Variants in GNE observed in about 807,000 individuals in gnomAD.
The protein encoded by GNE is bifunctional UDP-N-acetylglucosamine 2-epimerase/N-acetylmannosamine kinase.
Under a neutral mutation model 61.8 loss-of-function variants are expected in GNE, and 41 were observed. That is an observed-to-expected ratio of 0.66 (90% confidence interval 0.52 to 0.86). GNE has a LOEUF of 0.86. Among genes scored for constraint, GNE ranks in the 40% least tolerant of loss-of-function variants. The pLI, the probability that GNE is intolerant of heterozygous loss-of-function variation, is 0.00. For missense variants in GNE, 608 were observed against 909.1 expected (o/e 0.67, Z 4.26); for synonymous variants, 264 against 326.4 (o/e 0.81, Z 2.06).
At chr9:36,253,503 C>T (rs1392778610) in intron 1 of GNE, among the ~76,000 whole-genome samples, 1 of 151,386 alleles carries the variant, frequency 6.6e-6, no homozygotes, top group African/African-American at 2.4e-5. Flanking sequence ...GTCTCAAACT[C>T]CTGACCTCAC....
Position 36,236,821 on chromosome 9 carries a change from A to C in GNE, c.769+11T>G. 1 of 1,612,860 alleles carries C rather than the reference A, an allele frequency of 6.2e-7. No homozygotes were observed. Among genetic ancestry groups the C allele is most frequent in the Non-Finnish European group, 8.5e-7 (1 of 1,178,912 alleles). On this transcript the variant is annotated intron_variant, in intron 4 of 11. Transcript: ENST00000642385. The stretch of plus-strand genomic sequence containing the variant: ...AGTAGGTGGCATAATTTCATTTTCA[A>C]GTTCAATTACCTGCGTCAATATTTG...
At chr9:36,273,339 C>G (rs902298711) in intron 1 of GNE, among the ~76,000 whole-genome samples, 1 of 151,516 alleles carries the variant, frequency 6.6e-6, no homozygotes, top group Non-Finnish European at 1.5e-5. Flanking sequence ...GCCTCAGCCT[C>G]CCAAATAGCT....
chr9:36,223,018 C>A lies in GNE; in HGVS notation c.1412-20G>T. On this transcript the variant is annotated intron_variant, in intron 8 of 11. Coordinates refer to ENST00000642385, the MANE Select transcript of GNE (RefSeq NM_005476.7). ...AAATGCCTGCGCTCCACCACAAACA[C>A]AAGGAAATAATGCTGATGAGCAATC... 1 of 1,605,388 alleles carries A rather than the reference C, an allele frequency of 6.2e-7. No homozygotes were observed. The highest frequency in any genetic ancestry group is 8.5e-7 in the Non-Finnish European group (1 of 1,172,864).
chr9:36,247,301 C>T (rs1375512457), intron 2 of GNE, among the ~76,000 whole-genome samples: 8 of 152,050 alleles, frequency 5.3e-5, no homozygotes, highest in Admixed American at 1.3e-4. Flanking sequence ...GTGATCCGCC[C>T]GCCTCGTCCT....
At chr9:36,235,503 A>T (rs1317341750) in intron 4 of GNE, among the ~76,000 whole-genome samples, 1 of 152,202 alleles carries the variant, frequency 6.6e-6, no homozygotes, top group Non-Finnish European at 1.5e-5. Context: ...GAAAAAAAAT[A>T]CCTCTAATTC....
At chr9:36,274,400 C>A (rs577290727) in intron 1 of GNE, among the ~76,000 whole-genome samples, 2 of 152,066 alleles carry the variant, frequency 1.3e-5, no homozygotes, top group African/African-American at 4.8e-5. Context: ...CAGGCTCTTA[C>A]ACCTTTGTTA....
At chr9:36,245,950 T>C (rs897522835) in intron 3 of GNE, 81 bp downstream of exon 3, 3 of 1,092,372 alleles carry the variant, frequency 2.7e-6, no homozygotes, top group Admixed American at 1.8e-5. Flanking sequence ...CTATCCATAA[T>C]AGTTTCCAAA....
chr9:36,241,715 T>A (rs796352719), intron 3 of GNE, among the ~76,000 whole-genome samples: 14 of 152,346 alleles, frequency 9.2e-5, no homozygotes, highest in African/African-American at 3.4e-4. Flanking sequence ...GAATTTAACA[T>A]GCCTTTTTAA....
chr9:36,238,145 C>CACATAT lies in GNE; in HGVS notation c.617-1162_617-1161insATATGT, dbSNP rs1554661823. Among the ~76,000 whole-genome samples, 4 of 149,362 alleles carry CACATAT rather than the reference C, an allele frequency of 2.7e-5. No homozygotes were observed. The East Asian group carries it at 7.8e-4, about 29-fold the overall frequency. ...AGATACACACACACACACACACACA[C>CACATAT]ATATATATACACACCACCGTTTCTT... On this transcript the variant is annotated intron_variant, in intron 3 of 11. Transcript: ENST00000642385.
chr9:36,228,983 C>T, intron 6 of GNE, 38 bp downstream of exon 6: 1 of 1,108,990 alleles, frequency 9.0e-7, no homozygotes. Context: ...AGGTAGCTCC[C>T]CTTTTAAATC....
intron 2 of GNE, among the ~76,000 whole-genome samples, chr9:36,247,765 A>G (rs1168553031): frequency 6.6e-6 from 1 of 151,998 alleles, no homozygotes; most frequent in African/African-American, 2.4e-5. Context: ...AGTGGCTCAC[A>G]CCTGTAATCC....
Position 36,273,285 on chromosome 9 carries a change from C to T in GNE, c.51+3609G>A, listed in dbSNP as rs532030433. On this transcript the variant is annotated intron_variant, in intron 1 of 11. Coordinates refer to the GNE transcript ENST00000396594. ...CAGGCAGAGTGCAGTGGTGCGATCTCGGCTCACTGCAACCTCCGCCTCCTG... is the reference window on the plus strand; with the variant it reads ...CAGGCAGAGTGCAGTGGTGCGATCTTGGCTCACTGCAACCTCCGCCTCCTG... Among the ~76,000 whole-genome samples, 56 of 149,118 alleles carry T rather than the reference C, an allele frequency of 3.8e-4. 1 individual carries two copies. The highest frequency in any genetic ancestry group is 8.9e-4 in the African/African-American group (36 of 40,660).
chr9:36,264,999 CT>C (rs779021558), intron 1 of GNE: 5 of 255,162 alleles, frequency 2.0e-5, no homozygotes, highest in Admixed American at 4.7e-5. Flanking sequence ...TCAAGCTAAG[CT>C]TTCGCTCGTT....
At position 36,246,132 on chromosome 9, in the gene GNE, C is replaced by G. The variant is rs759285863; in HGVS notation, c.515G>C (p.Cys172Ser). 1.9e-6 allele frequency: 3 copies of G among 1,614,198 alleles called. No individual in the cohort carries two copies. ...RSAEQHLISM[C>S]EDHDRILLAG... ...CAAAAGGATGCGATCATGGTCCTCA[C>G]ACATGGATATCAGGTGCTGCTCTGC... Residue 172 changes from cysteine (C) to serine (S), a missense_variant, in exon 3 of 12, where the codon TGT becomes TCT. Physicochemically the swap from Cys to Ser is moderately radical, Grantham distance 112 (BLOSUM62 -1). Coordinates refer to ENST00000642385, the MANE Select transcript of GNE (RefSeq NM_005476.7).
chr9:36,235,643 A>G (rs1425872126), intron 4 of GNE, among the ~76,000 whole-genome samples: 1 of 152,228 alleles, frequency 6.6e-6, no homozygotes, highest in African/African-American at 2.4e-5. Context: ...AAGAATAAAT[A>G]TTAACATTTT....
Position 36,229,020 on chromosome 9 carries a change from C to T in GNE, c.1070+1G>A. ...CTCAACAAAGAATGTTTTATACTCA[C>T]CAAGGGTACTGTTTACCAAACTGAA... On this transcript the variant is annotated splice_donor_variant, in intron 6 of 11. Transcript: ENST00000642385. LOFTEE classifies it high-confidence loss of function. The T allele has an allele frequency of 6.4e-7, 1 of 1,555,802 alleles. No homozygotes were observed. Among genetic ancestry groups the T allele is most frequent in the Non-Finnish European group, 8.9e-7 (1 of 1,126,988 alleles).
At chr9:36,234,376 A>C (rs1293341485) in intron 4 of GNE, among the ~76,000 whole-genome samples, 3 of 152,198 alleles carry the variant, frequency 2.0e-5, no homozygotes, top group Non-Finnish European at 4.4e-5. Context: ...AGGCAAAGCA[A>C]ATAACTTTTA....
intron 3 of GNE, among the ~76,000 whole-genome samples, chr9:36,244,955 A>T (rs1046676357): frequency 6.8e-6 from 1 of 148,054 alleles, no homozygotes; most frequent in African/African-American, 2.5e-5. Flanking sequence ...AAAAAAAAAA[A>T]TGACCATTTT....
chr9:36,267,235 T>C (rs752131218), intron 1 of GNE, among the ~76,000 whole-genome samples: 2 of 152,362 alleles, frequency 1.3e-5, no homozygotes, highest in Admixed American at 1.3e-4. Context: ...ATTTAATCAC[T>C]ATTTGTAGCC....
Sources: allele counts gnomAD v4.1 joint callset (sites outside exome capture counted in the v4.1 genomes callset), GRCh38; gene constraint gnomAD v4.1.1; transcripts MANE v1.5; gene names NCBI Gene and HGNC (gene_info 2026-07-23, HGNC 2026-07-21).